Variants in UBXN11 observed in about 807,000 individuals in gnomAD.
The protein encoded by UBXN11 is UBX domain protein 11.
UBXN11 carries 47 observed loss-of-function variants against 62.8 expected under a neutral mutation model. The ratio of observed to expected loss-of-function variants is 0.75; its 90% confidence interval spans 0.59 to 0.95. UBXN11 has a LOEUF of 0.95. Among genes scored for constraint, UBXN11 ranks in the 40% least tolerant of loss-of-function variants. The pLI is 0.00. For missense variants in UBXN11, 638 were observed against 661.7 expected (o/e 0.96, Z 0.39); for synonymous variants, 294 against 267.0 (o/e 1.10, Z -0.99).
At chr1:26,285,614 G>A in intron 9 of UBXN11, 73 bp from the exon 10 acceptor site, 2 of 1,449,382 alleles carry the variant, frequency 1.4e-6, no homozygotes, top group Admixed American at 2.5e-5. Flanking sequence ...TGGTCTGGAT[G>A]GCAGGCCCTA....
intron 1 of UBXN11, chr1:26,318,042 C>T: frequency 1.2e-6 from 2 of 1,614,210 alleles, no homozygotes; most frequent in Non-Finnish European, 1.7e-6. Flanking sequence ...CTTCCTCCTA[C>T]TCACCATCAG....
chr1:26,312,973 C>G (rs1307632661), intron 1 of UBXN11, among the ~76,000 whole-genome samples: 2 of 62,158 alleles, frequency 3.2e-5, no homozygotes, highest in Non-Finnish European at 5.5e-5. Context: ...GAGCAAAACT[C>G]TGTCTCAAAA....
In UBXN11 at chr1:26,285,417, C is replaced by T. The variant is rs751618040; in HGVS notation, c.852+47G>A. On this transcript the variant is annotated intron_variant, in intron 10 of 14. Coordinates refer to ENST00000374222, the MANE Select transcript of UBXN11 (RefSeq NM_001389556.1). ...TGTCTGGGGAGGCTGTGTATCCCCA[C>T]TCCCTTCAAAATCCCCAAAGGTGTG... 1.2e-5 allele frequency: 19 copies of T among 1,592,602 alleles called. No individual in the cohort carries two copies. The Admixed American group carries it at 3.4e-4, about 29-fold the overall frequency.
In UBXN11 at chr1:26,282,641, G is replaced by A; in HGVS notation, c.1292+8C>T. 6.2e-7 allele frequency: 1 copy of A among 1,613,812 alleles called. No individual in the cohort carries two copies. The highest frequency in any genetic ancestry group is 8.5e-7 in the Non-Finnish European group (1 of 1,179,988). The stretch of plus-strand genomic sequence containing the variant: ...CCCTCTGTGGCCCTGGCCCTGCCCT[G>A]CACCCACCTGGCCTGCGCTAGCAGA... On this transcript the variant is annotated splice_region_variant and intron_variant, in intron 14 of 14. Coordinates refer to ENST00000374222, the MANE Select transcript of UBXN11 (RefSeq NM_001389556.1).
At position 26,285,126 on chromosome 1, in the gene UBXN11, C is replaced by T. The variant is rs545219932; in HGVS notation, c.852+338G>A. ...CTCACAGCACTGCCTCCCACCCTAC[C>T]CAGATAGCTTCAGGAGACTTGGGGG... On this transcript the variant is annotated intron_variant, in intron 10 of 14. Transcript: ENST00000374222. 3.7e-6 allele frequency: 4 copies of T among 1,095,402 alleles called. No homozygotes were observed. In the African/African-American group the frequency reaches 5.0e-5, roughly 14 times the overall value. The allele number at this position is 1,095,402 out of a possible 1,614,324, so 67.9% of individuals were successfully genotyped here.
chr1:26,287,388 A>G (rs529844810), intron 8 of UBXN11, among the ~76,000 whole-genome samples: 34 of 152,146 alleles, frequency 2.2e-4, no homozygotes, highest in African/African-American at 8.2e-4. Flanking sequence ...CAGACAACAG[A>G]GCAGAAAGGT....
In UBXN11 at chr1:26,298,802, A is replaced by AT. The variant is rs2073458306; in HGVS notation, c.200-741_200-740insA. The stretch of plus-strand genomic sequence containing the variant: ...TCAGAAAAAAAAAAAAAAAAAAAAA[A>AT]GTATGAAAATGGAAAAGAAGAGAAA... On this transcript the variant is annotated intron_variant, in intron 4 of 14. Coordinates refer to ENST00000374222, the MANE Select transcript of UBXN11 (RefSeq NM_001389556.1). Among the ~76,000 whole-genome samples, 7 of 150,788 alleles carry AT rather than the reference A, an allele frequency of 4.6e-5. 1 individual carries two copies. In the South Asian group the frequency reaches 1.3e-3, roughly 27 times the overall value.
chr1:26,313,467 T>C (rs565237487), intron 1 of UBXN11, among the ~76,000 whole-genome samples: 1 of 152,308 alleles, frequency 6.6e-6, no homozygotes, highest in South Asian at 2.1e-4. Flanking sequence ...CCTGATGCCA[T>C]TTGTGAACAT....
rs1033910485 is a variant in UBXN11, at chr1:26,300,797, G to C, written c.199+129C>G. The C allele has an allele frequency of 2.7e-6, 4 of 1,473,848 alleles. No homozygotes were observed. The African/African-American group carries it at 5.6e-5, about 21-fold the overall frequency. The allele number at this position is 1,473,848 out of a possible 1,614,324, so 91.3% of individuals were successfully genotyped here. On this transcript the variant is annotated intron_variant, in intron 4 of 14. Coordinates refer to ENST00000374222, the MANE Select transcript of UBXN11 (RefSeq NM_001389556.1). ...CCAAGCCAGGTCCCTGCCACAATCA[G>C]CCAGGAGTGGAAGCAGCTGCCTCAG... is the stretch of plus-strand genomic sequence containing the variant.
intron 9 of UBXN11, 47 bp from the exon 10 acceptor site, chr1:26,285,588 C>G: frequency 6.7e-7 from 1 of 1,497,840 alleles, no homozygotes; most frequent in Non-Finnish European, 9.0e-7. Flanking sequence ...GCCTTGGGCC[C>G]ACCCTGCCCT....
chr1:26,291,672 C>T (rs532765527), intron 8 of UBXN11, among the ~76,000 whole-genome samples: 9 of 152,302 alleles, frequency 5.9e-5, no homozygotes, highest in African/African-American at 1.9e-4. Context: ...GCCCAGGGTG[C>T]GGCACTTGTG....
intron 2 of UBXN11, among the ~76,000 whole-genome samples, chr1:26,302,304 G>A (rs2073556157): frequency 1.4e-5 from 2 of 140,614 alleles, no homozygotes; most frequent in Admixed American, 1.5e-4. Context: ...AGGTTGCAGT[G>A]AGCCAAGATC....
chr1:26,293,752 A>G (rs1047109057), intron 8 of UBXN11, among the ~76,000 whole-genome samples: 89 of 148,622 alleles, frequency 6.0e-4, no homozygotes, highest in Non-Finnish European at 8.9e-4. Flanking sequence ...AAAAAAAAAA[A>G]GACATGGTAG....
chr1:26,289,919 G>A (rs550132839), intron 8 of UBXN11, among the ~76,000 whole-genome samples: 42 of 152,338 alleles, frequency 2.8e-4, no homozygotes, highest in African/African-American at 9.9e-4. Context: ...CCCGCTCTGG[G>A]GACTTTACTG....
chr1:26,302,368 A>T (rs1226268146), intron 2 of UBXN11, among the ~76,000 whole-genome samples: 4 of 106,906 alleles, frequency 3.7e-5, no homozygotes, highest in Admixed American at 2.9e-4. Context: ...TCTTTAAAAA[A>T]AAAAAAAAAA....
upstream of UBXN11, among the ~76,000 whole-genome samples, chr1:26,308,444 G>A (rs1426574186): frequency 6.6e-6 from 1 of 152,114 alleles, no homozygotes; most frequent in Non-Finnish European, 1.5e-5. Context: ...GGTAAACAAG[G>A]CAGGCATAGA....
chr1:26,300,963 G>A lies in UBXN11; in HGVS notation c.162C>T (p.Ser54=). ...CGSEEKISVP[S]CYGGIGAPVS... ...CAGGGGCACCTATGCCGCCATAGCA[G>A]GAAGGGACTGAGATCTTTTCTTCTG... is the stretch of plus-strand genomic sequence containing the variant. The change falls in exon 4 of 15, where the codon TCC becomes TCT. Residue 54 remains serine (S), a synonymous_variant. Coordinates refer to ENST00000374222, the MANE Select transcript of UBXN11 (RefSeq NM_001389556.1). 2 of 1,614,210 alleles carry A rather than the reference G, an allele frequency of 1.2e-6. No individual in the cohort carries two copies. Among genetic ancestry groups the A allele is most frequent in the Non-Finnish European group, 1.7e-6 (2 of 1,180,020 alleles).
chr1:26,317,110 ACAC>A (rs1377810053), intron 1 of UBXN11, among the ~76,000 whole-genome samples: 1 of 151,394 alleles, frequency 6.6e-6, no homozygotes, highest in African/African-American at 2.4e-5. Context: ...GCATGGTGGC[ACAC>A]ACCTGTAGTC....
chr1:26,314,448 TG>T (rs1391756746), intron 1 of UBXN11, among the ~76,000 whole-genome samples: 2 of 152,216 alleles, frequency 1.3e-5, no homozygotes, highest in African/African-American at 4.8e-5. Context: ...CCTCTGCAAG[TG>T]GCATACTTTT....
Sources: gnomAD v4.1 joint callset for allele counts (sites outside exome capture counted in the v4.1 genomes callset) on GRCh38, gnomAD v4.1.1 for gene constraint, MANE v1.5 for transcripts, NCBI Gene and HGNC (gene_info 2026-07-23, HGNC 2026-07-21) for gene names.